Variants in MBNL1 observed in about 807,000 individuals in gnomAD.
MBNL1 encodes the protein muscleblind-like protein 1.
In MBNL1, 8 loss-of-function variants were observed where a neutral mutation model predicts 42.2. That is an observed-to-expected ratio of 0.19 (90% confidence interval 0.11 to 0.34). The LOEUF is 0.34. Ranked by LOEUF, MBNL1 falls within the 10% of genes least tolerant of loss-of-function variation. The pLI is 1.00. For missense variants in MBNL1, 309 were observed against 495.3 expected (o/e 0.62, Z 3.57); for synonymous variants, 169 against 173.9 (o/e 0.97, Z 0.22).
chr3:152,297,290 A>AATT (rs2058984044), intron 1 of MBNL1, among the ~76,000 whole-genome samples: 1 of 142,668 alleles, frequency 7.0e-6, no homozygotes, highest in African/African-American at 2.6e-5. Context: ...AACTGGCATT[A>AATT]AGACCTAGGA....
chr3:152,328,651 TAGGAA>T (rs2082073396), intron 2 of MBNL1, among the ~76,000 whole-genome samples: 1 of 152,140 alleles, frequency 6.6e-6, no homozygotes, highest in South Asian at 2.1e-4. Flanking sequence ...GGAGAAGTAC[TAGGAA>T]GAAGGAGATC....
intron 1 of MBNL1, among the ~76,000 whole-genome samples, chr3:152,285,086 G>A (rs1467177097): frequency 6.6e-6 from 1 of 152,154 alleles, no homozygotes; most frequent in Non-Finnish European, 1.5e-5. Flanking sequence ...TCTCAGCTCT[G>A]TAAAAGAGAC....
At chr3:152,308,751 T>G (rs2064656864) in intron 2 of MBNL1, among the ~76,000 whole-genome samples, 1 of 152,148 alleles carries the variant, frequency 6.6e-6, no homozygotes, top group Admixed American at 6.5e-5. Context: ...TGTTGTTTTC[T>G]AAATACTAGT....
intron 1 of MBNL1, among the ~76,000 whole-genome samples, chr3:152,285,356 T>G (rs1461579181): frequency 1.3e-5 from 2 of 152,324 alleles, no homozygotes; most frequent in South Asian, 2.1e-4. Context: ...TGATTTGGAG[T>G]TCTGGTTCTT....
At chr3:152,321,474 C>T (rs934910244) in intron 2 of MBNL1, among the ~76,000 whole-genome samples, 1 of 151,782 alleles carries the variant, frequency 6.6e-6, no homozygotes, top group African/African-American at 2.4e-5. Flanking sequence ...AGGGTAAGTC[C>T]CTGGTAATAA....
chr3:152,259,915 ACT>A (rs1443984074), intron 2 of MBNL1, among the ~76,000 whole-genome samples: 1 of 152,036 alleles, frequency 6.6e-6, no homozygotes, highest in Non-Finnish European at 1.5e-5. Context: ...CCAGATACAC[ACT>A]CTCATTTTTC....
At chr3:152,315,531 A>G (rs1463293464) in intron 2 of MBNL1, among the ~76,000 whole-genome samples, 1 of 152,184 alleles carries the variant, frequency 6.6e-6, no homozygotes, top group Admixed American at 6.5e-5. Flanking sequence ...TTTGTTTCGT[A>G]TTTGATAAAA....
At chr3:152,280,998 G>A (rs561105379) in intron 1 of MBNL1, among the ~76,000 whole-genome samples, 4 of 151,996 alleles carry the variant, frequency 2.6e-5, no homozygotes, top group African/African-American at 9.6e-5. Context: ...TGAAGTTTAT[G>A]GCCTATAGAA....
chr3:152,313,026 CT>C (rs5853576), intron 2 of MBNL1, among the ~76,000 whole-genome samples: 133 of 146,574 alleles, frequency 9.1e-4, no homozygotes, highest in Middle Eastern at 3.5e-3. Flanking sequence ...CAAGTGAAAA[CT>C]TTTTTTTTTT....
At chr3:152,408,318 A>T (rs2098483480) in intron 2 of MBNL1, among the ~76,000 whole-genome samples, 1 of 152,114 alleles carries the variant, frequency 6.6e-6, no homozygotes, top group Non-Finnish European at 1.5e-5. Context: ...AAACAGTGAA[A>T]TCTCCCTAGA....
intron 1 of MBNL1, among the ~76,000 whole-genome samples, chr3:152,270,679 C>G (rs2040950293): frequency 6.6e-6 from 1 of 152,216 alleles, no homozygotes; most frequent in African/African-American, 2.4e-5. Context: ...CCTGAGAATG[C>G]ACATCGCTGT....
intron 2 of MBNL1, among the ~76,000 whole-genome samples, chr3:152,362,606 C>T (rs561839593): frequency 6.6e-6 from 1 of 152,198 alleles, no homozygotes; most frequent in African/African-American, 2.4e-5. Context: ...AGAGGGGTGT[C>T]CTGTGCATTG....
intron 2 of MBNL1, among the ~76,000 whole-genome samples, chr3:152,398,474 T>G (rs1433686115): frequency 6.6e-6 from 1 of 152,182 alleles, no homozygotes; most frequent in Non-Finnish European, 1.5e-5. Context: ...ACATTAAAAT[T>G]ATCTAATAGA....
At chr3:152,335,018 G>T in intron 2 of MBNL1, 1 of 1,139,624 alleles carries the variant, frequency 8.8e-7, no homozygotes, top group Non-Finnish European at 1.1e-6. Context: ...GGTCTAAATG[G>T]TCTGCTCCAG....
At chr3:152,376,562 A>G (rs2096910887) in intron 2 of MBNL1, among the ~76,000 whole-genome samples, 1 of 152,158 alleles carries the variant, frequency 6.6e-6, no homozygotes, top group Non-Finnish European at 1.5e-5. Flanking sequence ...GTTGTTGGAA[A>G]TTTTCCATTT....
intron 2 of MBNL1, among the ~76,000 whole-genome samples, chr3:152,410,675 G>A (rs2098545270): frequency 6.6e-6 from 1 of 152,152 alleles, no homozygotes; most frequent in Admixed American, 6.5e-5. Flanking sequence ...TACTATGTAG[G>A]CTCTATAGAG....
intron 3 of MBNL1, among the ~76,000 whole-genome samples, chr3:152,431,340 A>C (rs961328351): frequency 7.9e-5 from 12 of 152,320 alleles, no homozygotes; most frequent in Admixed American, 4.6e-4. Context: ...CCCTAAGAAA[A>C]AGGGAATACT....
chr3:152,387,688 A>G (rs2097508370), intron 2 of MBNL1, among the ~76,000 whole-genome samples: 1 of 152,100 alleles, frequency 6.6e-6, no homozygotes, highest in East Asian at 1.9e-4. Flanking sequence ...GAATAGTTCA[A>G]CCTCACCTAG....
At chr3:152,258,606 A>G (rs576718145) in intron 2 of MBNL1, among the ~76,000 whole-genome samples, 12 of 152,350 alleles carry the variant, frequency 7.9e-5, no homozygotes, top group Non-Finnish European at 1.2e-4. Context: ...TGCAACATCA[A>G]TAACTACTGC....
Sources: gnomAD v4.1 joint callset for allele counts (sites outside exome capture counted in the v4.1 genomes callset) on GRCh38, gnomAD v4.1.1 for gene constraint, MANE v1.5 for transcripts, NCBI Gene and HGNC (gene_info 2026-07-23, HGNC 2026-07-21) for gene names.